Variants in GRIN2A observed in about 807,000 individuals in gnomAD.
The protein encoded by GRIN2A is glutamate receptor ionotropic, NMDA 2A.
Under a neutral mutation model 113.4 loss-of-function variants are expected in GRIN2A, and 22 were observed. The ratio of observed to expected loss-of-function variants is 0.19; its 90% CI spans 0.14 to 0.28. The LOEUF (loss-of-function observed/expected upper bound fraction) is 0.28, where lower values mean the gene tolerates loss of function less well. Among genes scored for constraint, GRIN2A ranks in the 10% least tolerant of loss-of-function variants. GRIN2A has a pLI of 1.00. For synonymous variants in GRIN2A, 827 were observed against 738.4 expected (o/e 1.12, Z -1.94); for missense variants, 1,502 against 1,887.0 (o/e 0.80, Z 3.78).
intron 2 of GRIN2A, among the ~76,000 whole-genome samples, chr16:10,068,677 C>T (rs961852652): frequency 5.9e-5 from 9 of 152,156 alleles, no homozygotes; most frequent in African/African-American, 1.9e-4. Context: ...ATCAATTCCC[C>T]CATGGATCAT....
intron 3 of GRIN2A, among the ~76,000 whole-genome samples, chr16:9,937,407 C>A (rs1440838683): frequency 1.3e-5 from 2 of 152,064 alleles, no homozygotes; most frequent in Non-Finnish European, 2.9e-5. Context: ...GGGATGGATA[C>A]CCCATTCTCC....
chr16:9,805,935 A>G (rs1294320924), intron 10 of GRIN2A, among the ~76,000 whole-genome samples: 1 of 152,236 alleles, frequency 6.6e-6, no homozygotes, highest in Non-Finnish European at 1.5e-5. Flanking sequence ...CCATCAGCAC[A>G]GAATGGTCTA....
intron 2 of GRIN2A, among the ~76,000 whole-genome samples, chr16:10,124,232 G>C (rs2048885164): frequency 1.3e-5 from 2 of 152,158 alleles, no homozygotes; most frequent in African/African-American, 2.4e-5. Flanking sequence ...AAAGAGCACA[G>C]GTCAGGTGGC....
chr16:10,135,420 C>T (rs889743450), intron 2 of GRIN2A, among the ~76,000 whole-genome samples: 1 of 152,206 alleles, frequency 6.6e-6, no homozygotes, highest in African/African-American at 2.4e-5. Flanking sequence ...TGTTAGCATT[C>T]GTATTTCCAC....
intron 2 of GRIN2A, among the ~76,000 whole-genome samples, chr16:10,139,082 T>C (rs573350878): frequency 6.6e-6 from 1 of 152,288 alleles, no homozygotes; most frequent in South Asian, 2.1e-4. Context: ...GAACACCGGA[T>C]GGAGACAGCA....
chr16:9,910,537 CTTTT>C (rs35352418), intron 3 of GRIN2A, among the ~76,000 whole-genome samples: 3 of 123,282 alleles, frequency 2.4e-5, no homozygotes, highest in Non-Finnish European at 3.4e-5. Context: ...TCTCAGAGTT[CTTTT>C]TTTTTTTTTT....
chr16:9,859,184 G>A (rs759216121), intron 4 of GRIN2A, among the ~76,000 whole-genome samples: 16 of 151,548 alleles, frequency 1.1e-4, no homozygotes, highest in Admixed American at 2.6e-4. Flanking sequence ...CACACACATC[G>A]TCACACTAAC....
At chr16:9,880,144 A>G (rs1291917328) in intron 4 of GRIN2A, among the ~76,000 whole-genome samples, 12 of 152,174 alleles carry the variant, frequency 7.9e-5, no homozygotes, top group Admixed American at 7.9e-4. Flanking sequence ...GGCTGGGCTC[A>G]TATCTGGAGG....
intron 4 of GRIN2A, among the ~76,000 whole-genome samples, chr16:9,885,624 C>A (rs2043572460): frequency 6.6e-6 from 1 of 152,206 alleles, no homozygotes; most frequent in South Asian, 2.1e-4. Context: ...CACTGGCTGA[C>A]CTCGGAGATG....
At chr16:9,984,441 C>T (rs527793544) in intron 2 of GRIN2A, among the ~76,000 whole-genome samples, 1 of 152,256 alleles carries the variant, frequency 6.6e-6, no homozygotes, top group African/African-American at 2.4e-5. Context: ...AGACCAATGC[C>T]CTGGAGTTTA....
chr16:9,998,105 C>CT (rs2046258259), intron 2 of GRIN2A, among the ~76,000 whole-genome samples: 3 of 152,098 alleles, frequency 2.0e-5, no homozygotes, highest in Non-Finnish European at 4.4e-5. Context: ...TCTGTTTTTA[C>CT]CCAAAAACAT....
intron 12 of GRIN2A, among the ~76,000 whole-genome samples, chr16:9,766,322 T>G (rs1314084931): frequency 1.3e-5 from 2 of 152,212 alleles, no homozygotes; most frequent in African/African-American, 4.8e-5. Context: ...GCAGGGATGC[T>G]CACGGAACTG....
chr16:10,116,622 G>T (rs977476503), intron 2 of GRIN2A, among the ~76,000 whole-genome samples: 3 of 152,106 alleles, frequency 2.0e-5, no homozygotes, highest in Non-Finnish European at 4.4e-5. Flanking sequence ...CAGGAAGTGT[G>T]GTGAGGAAGT....
chr16:9,938,502 G>C lies in GRIN2A; in HGVS notation c.464C>G (p.Ala155Gly), dbSNP rs1458755226. Residue 155 changes from alanine (A) to glycine (G), a missense_variant, in exon 3 of 13, where the codon GCC (alanine) becomes GGC (glycine). This residue lies in a region of GRIN2A where 334 missense variants were observed against 403.0 expected (regional missense o/e 0.83). Transcript: ENST00000330684. ...FQFGASIQQQATVMLKIMQDY... is the reference protein window; with the variant it reads ...FQFGASIQQQGTVMLKIMQDY... Reference sequence around the variant, plus strand: ...CTGCATGATCTTCAGCATGACCGTGGCTTGCTGCTGGATGGACGCTCCAAA... The same window carrying C: ...CTGCATGATCTTCAGCATGACCGTGCCTTGCTGCTGGATGGACGCTCCAAA... The C allele has an allele frequency of 3.7e-6, 6 of 1,611,098 alleles. No individual in the cohort carries two copies.
chr16:9,933,336 T>C (rs1309992742), intron 3 of GRIN2A, among the ~76,000 whole-genome samples: 1 of 150,860 alleles, frequency 6.6e-6, no homozygotes, highest in Non-Finnish European at 1.5e-5. Context: ...ATATCCTAAC[T>C]GCACCAGCTC....
At chr16:9,768,026 C>T (rs1901025417) in intron 12 of GRIN2A, among the ~76,000 whole-genome samples, 1 of 152,110 alleles carries the variant, frequency 6.6e-6, no homozygotes, top group Non-Finnish European at 1.5e-5. Flanking sequence ...CTCTGTCTGG[C>T]CCAGTGTTTT....
At chr16:9,878,224 C>T (rs971008486) in intron 4 of GRIN2A, among the ~76,000 whole-genome samples, 1 of 152,054 alleles carries the variant, frequency 6.6e-6, no homozygotes, top group Non-Finnish European at 1.5e-5. Context: ...TCCATATGAC[C>T]GAATGTTTGA....
chr16:9,884,275 G>T (rs766014510), intron 4 of GRIN2A, among the ~76,000 whole-genome samples: 1 of 152,170 alleles, frequency 6.6e-6, no homozygotes, highest in East Asian at 1.9e-4. Flanking sequence ...AAGGCCAGGC[G>T]CAGTGGCTCA....
intron 9 of GRIN2A, among the ~76,000 whole-genome samples, chr16:9,828,856 GA>G (rs2042434824): frequency 6.6e-6 from 1 of 152,078 alleles, no homozygotes; most frequent in African/African-American, 2.4e-5. Flanking sequence ...AAGAAAGAAA[GA>G]AAAAAACTCT....
Sources: allele counts gnomAD v4.1 joint callset (sites outside exome capture counted in the v4.1 genomes callset), GRCh38; gene constraint gnomAD v4.1.1; regional missense constraint gnomAD v4.1.1; transcripts MANE v1.5; gene names NCBI Gene and HGNC (gene_info 2026-07-23, HGNC 2026-07-21).